CDH13: variants seen among roughly 807,000 people sequenced by gnomAD.
CDH13 encodes the protein cadherin-13.
Under a neutral mutation model 63.8 loss-of-function variants are expected in CDH13, and 24 were observed. The observed-to-expected ratio is 0.38, with a 90% CI of 0.27 to 0.53. The LOEUF is 0.53. CDH13 is among the 20% of genes least tolerant of loss of function. The probability of loss-of-function intolerance (pLI) is 0.85; values close to 1 mark genes in which losing one functional copy is unlikely to be tolerated. For missense variants in CDH13, 1,049 were observed against 903.1 expected, an observed-to-expected ratio of 1.16 and a Z score of -2.07; for synonymous variants, 503 against 355.3, an observed-to-expected ratio of 1.42 and a Z score of -4.67.
intron 2 of CDH13, among the ~76,000 whole-genome samples, chr16:83,011,110 T>A (rs1047093098): frequency 6.6e-6 from 1 of 152,166 alleles, no homozygotes; most frequent in Non-Finnish European, 1.5e-5. Context: ...TCTTTGGGGC[T>A]CAGTTTACTG....
In CDH13 at chr16:83,796,222, A is replaced by G. The variant is rs2151025039; in HGVS notation, c.*1192A>G. 2 of 152,408 alleles carry G rather than the reference A, an allele frequency of 1.3e-5. No individual in the cohort carries two copies. The highest frequency in any genetic ancestry group is 4.1e-4 in the South Asian group (2 of 4,830). 9.4% of individuals were successfully genotyped at this position (152,408 alleles called of 1,614,324 possible). A position where few individuals can be genotyped will look rare whatever the true frequency, so the allele number is the denominator to read the frequency against. On this transcript the variant is annotated 3_prime_UTR_variant, in exon 14 of 14. Transcript: ENST00000567109. ...GTTCTAAGATTACCTTCTTGTTGAT[A>G]AACCATAAATGAATCATCAAAGCTC...
intron 1 of CDH13, among the ~76,000 whole-genome samples, chr16:82,792,048 G>T (rs2036334004): frequency 1.3e-5 from 2 of 152,184 alleles, no homozygotes; most frequent in African/African-American, 2.4e-5. Flanking sequence ...GGCACCCGCT[G>T]CTGTCCCCTC....
chr16:83,626,317 T>C (rs1910299223), intron 8 of CDH13, among the ~76,000 whole-genome samples: 1 of 152,202 alleles, frequency 6.6e-6, no homozygotes, highest in African/African-American at 2.4e-5. Context: ...GACGTGTTGA[T>C]GAGACACACA....
intron 3 of CDH13, among the ~76,000 whole-genome samples, chr16:83,036,798 A>T (rs1392265809): frequency 6.6e-6 from 1 of 152,096 alleles, no homozygotes; most frequent in Non-Finnish European, 1.5e-5. Context: ...TCAGGCAGGA[A>T]ATCTGCAGTT....
intron 10 of CDH13, among the ~76,000 whole-genome samples, chr16:83,702,931 G>A (rs1300017713): frequency 6.6e-6 from 1 of 152,224 alleles, no homozygotes; most frequent in Non-Finnish European, 1.5e-5. Context: ...TGCATGTGGA[G>A]GTGGGGCAGG....
intron 3 of CDH13, among the ~76,000 whole-genome samples, chr16:83,091,650 T>A (rs1433001515): frequency 6.6e-6 from 1 of 152,212 alleles, no homozygotes; most frequent in African/African-American, 2.4e-5. Context: ...ATTTATATAT[T>A]GTATATTTTA....
intron 13 of CDH13, among the ~76,000 whole-genome samples, chr16:83,784,631 CAAAAAAA>C (rs575073144): frequency 3.0e-5 from 3 of 101,210 alleles, no homozygotes; most frequent in Non-Finnish European, 6.4e-5. Context: ...GGCTCTGTCT[CAAAAAAA>C]AAAAAAAAAA....
chr16:83,184,346 G>C (rs1370152187), intron 4 of CDH13, among the ~76,000 whole-genome samples: 1 of 152,052 alleles, frequency 6.6e-6, no homozygotes, highest in African/African-American at 2.4e-5. Context: ...TGCTTTCAAT[G>C]GGATTGTCCT....
intron 13 of CDH13, among the ~76,000 whole-genome samples, chr16:83,788,621 T>A (rs914805094): frequency 6.6e-6 from 1 of 152,190 alleles, no homozygotes; most frequent in Non-Finnish European, 1.5e-5. Flanking sequence ...TCAACTGAGC[T>A]CTTGGGTCAA....
chr16:83,332,841 A>G (rs2090507611), intron 5 of CDH13, among the ~76,000 whole-genome samples: 1 of 152,220 alleles, frequency 6.6e-6, no homozygotes, highest in African/African-American at 2.4e-5. Flanking sequence ...ATGTTTAAGA[A>G]TGCCCTGAAA....
intron 4 of CDH13, among the ~76,000 whole-genome samples, chr16:83,189,303 A>G (rs2038623373): frequency 6.6e-6 from 1 of 152,158 alleles, no homozygotes; most frequent in Non-Finnish European, 1.5e-5. Flanking sequence ...CCTTTAGATC[A>G]GGATTACTTT....
rs145472937 is a variant in CDH13, at chr16:83,158,614, G to T, written c.483+33113G>T. On this transcript the variant is annotated intron_variant, in intron 4 of 13. Transcript: ENST00000567109. Reference sequence around the variant, plus strand: ...TCGTGGAGGTAGATATACTGCTCCAGCGTTGGGGTCATAAGGCCACAGGCC... The same window carrying T: ...TCGTGGAGGTAGATATACTGCTCCATCGTTGGGGTCATAAGGCCACAGGCC... Among the ~76,000 whole-genome samples the T allele has an allele frequency of 8.7e-4, 133 of 152,350 alleles. 2 individuals carry two copies. In the East Asian group the frequency reaches 0.021, roughly 25 times the overall value.
chr16:83,411,456 C>G (rs1056376860), intron 6 of CDH13, among the ~76,000 whole-genome samples: 1 of 152,180 alleles, frequency 6.6e-6, no homozygotes, highest in African/African-American at 2.4e-5. Context: ...GGCCTTGTCT[C>G]TCTTGTTCTC....
At chr16:82,838,947 G>T (rs796521365) in intron 1 of CDH13, among the ~76,000 whole-genome samples, 4 of 152,172 alleles carry the variant, frequency 2.6e-5, no homozygotes, top group South Asian at 2.1e-4. Flanking sequence ...GACATTGCAG[G>T]CCATCCAGTC....
chr16:83,121,962 T>TCTCA (rs145691821), intron 3 of CDH13, among the ~76,000 whole-genome samples: 2 of 147,412 alleles, frequency 1.4e-5, no homozygotes, highest in East Asian at 2.0e-4. Flanking sequence ...TTTAAAACTG[T>TCTCA]CACACACACA....
intron 6 of CDH13, among the ~76,000 whole-genome samples, chr16:83,416,528 T>A (rs367961985): frequency 6.6e-6 from 1 of 152,172 alleles, no homozygotes; most frequent in Non-Finnish European, 1.5e-5. Flanking sequence ...GTTAATAACA[T>A]TTTCTGTTTT....
chr16:83,343,297 C>G (rs1309857698), intron 5 of CDH13, among the ~76,000 whole-genome samples: 2 of 152,162 alleles, frequency 1.3e-5, no homozygotes, highest in Admixed American at 6.5e-5. Flanking sequence ...TATTTTTACT[C>G]AATATTCTAA....
intron 9 of CDH13, among the ~76,000 whole-genome samples, chr16:83,676,058 TGAC>T (rs1914926741): frequency 6.6e-6 from 1 of 152,030 alleles, no homozygotes; most frequent in African/African-American, 2.4e-5. Context: ...CTGCAAATAA[TGAC>T]ATCCCCAGGA....
intron 1 of CDH13, among the ~76,000 whole-genome samples, chr16:82,724,251 C>G (rs2032956410): frequency 6.6e-6 from 1 of 151,870 alleles, no homozygotes; most frequent in Non-Finnish European, 1.5e-5. Flanking sequence ...TTCCATCCAT[C>G]TATCCATCTA....
Sources: allele counts gnomAD v4.1 joint callset (sites outside exome capture counted in the v4.1 genomes callset), GRCh38; gene constraint gnomAD v4.1.1; transcripts MANE v1.5; gene names NCBI Gene and HGNC (gene_info 2026-07-23, HGNC 2026-07-21).